The following SMARCA2 variants were observed in gnomAD, a reference collection of about 807,000 sequenced individuals.
The protein encoded by SMARCA2 is SWI/SNF-related matrix-associated actin-dependent regulator of chromatin subfamily A member 2.
Under a neutral mutation model 199.8 loss-of-function variants are expected in SMARCA2, and 61 were observed. The observed-to-expected ratio is 0.31, with a 90% CI of 0.25 to 0.38. The LOEUF is 0.38. Among genes scored for constraint, SMARCA2 ranks in the 10% least tolerant of loss-of-function variants. The pLI is 1.00. For synonymous variants in SMARCA2, 935 were observed against 732.0 expected (o/e 1.28, Z -4.48); for missense variants, 1,344 against 2,012.2 (o/e 0.67, Z 6.35).
At chr9:2,189,865 A>G (rs888516210) in intron 32 of SMARCA2, among the ~76,000 whole-genome samples, 15 of 151,888 alleles carry the variant, frequency 9.9e-5, no homozygotes, top group Admixed American at 6.6e-4. Context: ...AGTTTTGGAA[A>G]TATTTTGTGG....
At chr9:2,065,765 A>G (rs1340279411) in intron 9 of SMARCA2, among the ~76,000 whole-genome samples, 1 of 152,156 alleles carries the variant, frequency 6.6e-6, no homozygotes, top group Non-Finnish European at 1.5e-5. Context: ...CCTCTACAGG[A>G]TTTTCATAGA....
chr9:2,101,071 C>T (rs1379712416), intron 21 of SMARCA2, among the ~76,000 whole-genome samples: 5 of 152,114 alleles, frequency 3.3e-5, no homozygotes, highest in East Asian at 3.9e-4. Flanking sequence ...ATTCAGTTGT[C>T]GCCCCCAGGG....
intron 17 of SMARCA2, 66 bp downstream of exon 17, chr9:2,084,262 C>G (rs1382949615): frequency 1.2e-6 from 1 of 826,248 alleles, no homozygotes; most frequent in African/African-American, 1.7e-5. Context: ...AAGTATTGCC[C>G]AAGTCAGTAG....
chr9:2,142,763 T>C (rs879478022), intron 27 of SMARCA2, among the ~76,000 whole-genome samples: 1 of 152,178 alleles, frequency 6.6e-6, no homozygotes, highest in Non-Finnish European at 1.5e-5. Context: ...TCTGGCTTAT[T>C]TTTATTCACT....
chr9:2,148,496 T>G (rs1053450734), intron 27 of SMARCA2, among the ~76,000 whole-genome samples: 2 of 151,172 alleles, frequency 1.3e-5, no homozygotes, highest in African/African-American at 4.8e-5. Flanking sequence ...TATTATTATT[T>G]TATTATTATT....
At chr9:2,060,794 C>T (rs748301713) in intron 8 of SMARCA2, 22 bp from the exon 9 acceptor site, 40 of 1,611,228 alleles carry the variant, frequency 2.5e-5, no homozygotes, top group South Asian at 4.4e-5. Context: ...ATGCTCTCAT[C>T]CTGCTCTTCT....
intron 32 of SMARCA2, among the ~76,000 whole-genome samples, chr9:2,187,141 G>A (rs894948858): frequency 1.3e-5 from 2 of 152,030 alleles, no homozygotes; most frequent in Admixed American, 1.3e-4. Context: ...AGGGGAAGAG[G>A]GGTGATGACA....
At chr9:2,171,036 C>A (rs1826224174) in intron 29 of SMARCA2, among the ~76,000 whole-genome samples, 1 of 152,062 alleles carries the variant, frequency 6.6e-6, no homozygotes, top group Admixed American at 6.5e-5. Flanking sequence ...GTGTGTAGTC[C>A]CAAGCATCTA....
rs1822931755 is a variant in SMARCA2 at position 2,110,100 on chromosome 9, T to A, written c.3293-154T>A. The stretch of plus-strand genomic sequence containing the variant: ...TTTTGTAATTGCAAAATGTTCAAAG[T>A]TTTTTATCCAGAAGTACAAAGCCCT... On this transcript the variant is annotated intron_variant, in intron 23 of 33. Transcript: ENST00000349721. The surrounding 1 kb of genome is among the most constrained non-coding windows in gnomAD (Gnocchi z 4.8). Among the ~76,000 whole-genome samples, 1 of 152,140 alleles carries A rather than the reference T, an allele frequency of 6.6e-6. No individual in the cohort carries two copies. The highest frequency in any genetic ancestry group is 1.5e-5 in the Non-Finnish European group (1 of 68,008).
At chr9:2,036,994 A>C (rs1819364175) in intron 3 of SMARCA2, among the ~76,000 whole-genome samples, 1 of 152,224 alleles carries the variant, frequency 6.6e-6, no homozygotes, top group African/African-American at 2.4e-5. Context: ...GAAATAGGAA[A>C]GACCGGAAAT....
intron 27 of SMARCA2, among the ~76,000 whole-genome samples, chr9:2,130,316 T>A (rs2130648451): frequency 6.6e-6 from 1 of 152,360 alleles, no homozygotes; most frequent in South Asian, 2.1e-4. Flanking sequence ...TGCTGTGGCT[T>A]CTTGTGCCAT....
chr9:2,049,642 T>G (rs567035910), intron 5 of SMARCA2, among the ~76,000 whole-genome samples: 62 of 152,342 alleles, frequency 4.1e-4, no homozygotes, highest in African/African-American at 1.3e-3. Flanking sequence ...AAGCACAGTT[T>G]GGTGGTGACA....
chr9:2,090,547 TG>T (rs1822009252), intron 19 of SMARCA2, among the ~76,000 whole-genome samples: 1 of 152,212 alleles, frequency 6.6e-6, no homozygotes. Context: ...CTCTGTCTTA[TG>T]GAGTTGTGAG....
intron 27 of SMARCA2, among the ~76,000 whole-genome samples, chr9:2,124,979 G>C (rs761066589): frequency 1.3e-5 from 2 of 152,112 alleles, no homozygotes; most frequent in African/African-American, 4.8e-5. Context: ...GGAGTTGTTC[G>C]TTTTATCCAA....
At chr9:2,139,596 A>G (rs1483712778) in intron 27 of SMARCA2, among the ~76,000 whole-genome samples, 3 of 152,124 alleles carry the variant, frequency 2.0e-5, no homozygotes, top group African/African-American at 4.8e-5. Flanking sequence ...ATTTTATCTG[A>G]TGATTGACTG....
At chr9:2,133,429 G>A (rs941566076) in intron 27 of SMARCA2, among the ~76,000 whole-genome samples, 3 of 151,884 alleles carry the variant, frequency 2.0e-5, no homozygotes, top group Admixed American at 1.3e-4. Flanking sequence ...CTACGGGTAC[G>A]CACCGCCACA....
chr9:2,182,356 A>T (rs1440393314), intron 31 of SMARCA2, 114 bp downstream of exon 31: 19 of 675,262 alleles, frequency 2.8e-5, no homozygotes, highest in Non-Finnish European at 4.6e-5. Context: ...CAGAAGAAAA[A>T]TAACTAAAAG....
At chr9:2,087,114 A>G (rs1821833382) in intron 18 of SMARCA2, 43 bp downstream of exon 18, 2 of 1,610,486 alleles carry the variant, frequency 1.2e-6, no homozygotes, top group Non-Finnish European at 1.7e-6. Flanking sequence ...TGATAATGAC[A>G]TGAAATGAAA....
intron 14 of SMARCA2, 125 bp downstream of exon 14, chr9:2,077,901 C>T: frequency 7.6e-6 from 6 of 791,800 alleles, no homozygotes; most frequent in South Asian, 7.3e-5. Flanking sequence ...ACTTATAATA[C>T]TGAGGTTCCT....
Sources: gnomAD v4.1 joint callset for allele counts (sites outside exome capture counted in the v4.1 genomes callset) on GRCh38, gnomAD v4.1.1 for gene constraint, Gnocchi (gnomAD v3.1) non-coding constraint, MANE v1.5 for transcripts, NCBI Gene and HGNC (gene_info 2026-07-23, HGNC 2026-07-21) for gene names.